SPATA17: variants seen among roughly 807,000 people sequenced by gnomAD.
SPATA17 encodes the protein spermatogenesis-associated protein 17.
SPATA17 carries 53 observed loss-of-function variants against 62.2 expected under a neutral mutation model. That is an observed-to-expected ratio of 0.85 (90% CI 0.68 to 1.07). SPATA17 has a LOEUF of 1.07. Among genes scored for constraint, SPATA17 ranks in the 50% least tolerant of loss-of-function variants. The pLI, the probability that SPATA17 is intolerant of heterozygous loss-of-function variation, is 0.00. For missense variants in SPATA17, 466 were observed against 425.5 expected, an observed-to-expected ratio of 1.10 and a Z score of -0.84; for synonymous variants, 146 against 146.8, an observed-to-expected ratio of 0.99 and a Z score of 0.04.
At chr1:217,789,768 C>A (rs1455964848) in intron 8 of SPATA17, among the ~76,000 whole-genome samples, 1 of 152,142 alleles carries the variant, frequency 6.6e-6, no homozygotes, top group Non-Finnish European at 1.5e-5. Flanking sequence ...GGTGTGGTGG[C>A]TGACACCTGT....
chr1:217,650,519 T>G (rs1670285496), intron 2 of SPATA17, among the ~76,000 whole-genome samples: 1 of 151,618 alleles, frequency 6.6e-6, no homozygotes, highest in African/African-American at 2.4e-5. Context: ...CTGGTTCAAG[T>G]GATTCTCCTG....
intron 5 of SPATA17, among the ~76,000 whole-genome samples, chr1:217,714,998 A>G (rs923571044): frequency 2.6e-5 from 4 of 152,190 alleles, no homozygotes; most frequent in South Asian, 2.1e-4. Context: ...GTATTTATTT[A>G]TGATGAAACT....
intron 4 of SPATA17, among the ~76,000 whole-genome samples, chr1:217,673,941 CT>C (rs1487888048): frequency 6.6e-6 from 1 of 152,084 alleles, no homozygotes; most frequent in African/African-American, 2.4e-5. Flanking sequence ...TTTTCTCTTG[CT>C]TATGGCTTTT....
chr1:217,793,760 A>G (rs1004929188), intron 8 of SPATA17, among the ~76,000 whole-genome samples: 2 of 152,162 alleles, frequency 1.3e-5, no homozygotes, highest in African/African-American at 4.8e-5. Context: ...GATTGTGCAA[A>G]TAAAAGAGGA....
chr1:217,741,685 C>T (rs1051174161), intron 5 of SPATA17, among the ~76,000 whole-genome samples: 5 of 152,062 alleles, frequency 3.3e-5, no homozygotes, highest in South Asian at 2.1e-4. Flanking sequence ...AGCAAAAATA[C>T]CCTGATAATT....
chr1:217,649,921 A>T (rs1044886394), intron 2 of SPATA17, among the ~76,000 whole-genome samples: 1 of 150,944 alleles, frequency 6.6e-6, no homozygotes, highest in African/African-American at 2.4e-5. Context: ...AAGTGTGAAG[A>T]CAAGGCTTCT....
chr1:217,837,528 G>T lies in SPATA17; in HGVS notation c.1006-25246G>T, dbSNP rs1028812481. On this transcript the variant is annotated intron_variant, in intron 9 of 10. Transcript: ENST00000366933. ...TGGAAACCAATATAACCATACTGTT[G>T]CATGTTGGATGAATTTTGCACTCTG... Among the ~76,000 whole-genome samples, 8 of 152,172 alleles carry T rather than the reference G, an allele frequency of 5.3e-5. No homozygotes were observed. The East Asian group carries it at 1.2e-3, about 22-fold the overall frequency.
At chr1:217,638,949 A>G (rs548525267) in intron 1 of SPATA17, among the ~76,000 whole-genome samples, 1 of 152,270 alleles carries the variant, frequency 6.6e-6, no homozygotes, top group Admixed American at 6.5e-5. Context: ...AATAAGATTA[A>G]TAATATGGAG....
intron 9 of SPATA17, among the ~76,000 whole-genome samples, chr1:217,859,213 A>G (rs905952130): frequency 6.8e-6 from 1 of 146,478 alleles, no homozygotes; most frequent in African/African-American, 2.5e-5. Flanking sequence ...ATATTTATAT[A>G]CATAATATAT....
At chr1:217,702,618 T>A (rs1352500704) in intron 5 of SPATA17, among the ~76,000 whole-genome samples, 1 of 152,226 alleles carries the variant, frequency 6.6e-6, no homozygotes, top group Non-Finnish European at 1.5e-5. Context: ...TAAGAGCCAA[T>A]GCTTATTTAG....
At chr1:217,811,428 T>G (rs999251152) in intron 9 of SPATA17, among the ~76,000 whole-genome samples, 1 of 152,104 alleles carries the variant, frequency 6.6e-6, no homozygotes, top group East Asian at 1.9e-4. Context: ...TTCTCCCTCC[T>G]TCCTTACCTT....
At chr1:217,758,756 G>T (rs1166998205) in intron 6 of SPATA17, among the ~76,000 whole-genome samples, 1 of 152,186 alleles carries the variant, frequency 6.6e-6, no homozygotes. Flanking sequence ...GATTAGGAAA[G>T]GTTGGAAGAA....
At chr1:217,864,379 A>G (rs934192983) in intron 10 of SPATA17, among the ~76,000 whole-genome samples, 2 of 152,206 alleles carry the variant, frequency 1.3e-5, no homozygotes, top group Non-Finnish European at 2.9e-5. Context: ...GTAAAATGTT[A>G]TAAGTCTTTA....
At chr1:217,640,219 C>G (rs1670029298) in intron 1 of SPATA17, among the ~76,000 whole-genome samples, 1 of 151,904 alleles carries the variant, frequency 6.6e-6, no homozygotes, top group African/African-American at 2.4e-5. Context: ...ATTAAATAGT[C>G]CATCCTTTTC....
At chr1:217,763,714 T>A (rs1673228624) in intron 6 of SPATA17, among the ~76,000 whole-genome samples, 1 of 152,138 alleles carries the variant, frequency 6.6e-6, no homozygotes, top group Non-Finnish European at 1.5e-5. Flanking sequence ...TATGGTTGCT[T>A]GGACAAGGAT....
At chr1:217,827,539 C>T (rs1675025147) in intron 9 of SPATA17, among the ~76,000 whole-genome samples, 1 of 152,040 alleles carries the variant, frequency 6.6e-6, no homozygotes, top group South Asian at 2.1e-4. Flanking sequence ...TGGGCATATA[C>T]CCAAAGGAAT....
intron 1 of SPATA17, among the ~76,000 whole-genome samples, chr1:217,647,515 G>A (rs1338574080): frequency 6.6e-6 from 1 of 152,180 alleles, no homozygotes; most frequent in Non-Finnish European, 1.5e-5. Context: ...GATGTTTCAA[G>A]TTTAGTGGAA....
intron 1 of SPATA17, among the ~76,000 whole-genome samples, chr1:217,645,009 A>G (rs374714606): frequency 1.1e-4 from 17 of 152,216 alleles, no homozygotes; most frequent in African/African-American, 2.6e-4. Flanking sequence ...GACATATTGT[A>G]TGAGTATTCA....
intron 3 of SPATA17, among the ~76,000 whole-genome samples, chr1:217,664,930 A>G (rs1476484203): frequency 4.6e-5 from 7 of 152,100 alleles, no homozygotes; most frequent in African/African-American, 1.7e-4. Flanking sequence ...TTGGACAGCT[A>G]AAAAGGAATG....
Sources: gnomAD v4.1 joint callset for allele counts (sites outside exome capture counted in the v4.1 genomes callset) on GRCh38, gnomAD v4.1.1 for gene constraint, MANE v1.5 for transcripts, NCBI Gene and HGNC (gene_info 2026-07-23, HGNC 2026-07-21) for gene names.